The following BRD10 variants were observed in gnomAD, a reference collection of about 807,000 sequenced individuals.
BRD10 encodes the protein bromodomain containing 10.
At chr9:5,915,529 T>C in the BRD10 span, among the ~76,000 whole-genome samples, 1 of 152,194 alleles carries the variant, frequency 6.6e-6, no homozygotes, top group Non-Finnish European at 1.5e-5. Flanking sequence ...TTTATAATCA[T>C]TCCCTATGGG....
chr9:5,982,561 C>T, the BRD10 span, among the ~76,000 whole-genome samples: 1 of 152,210 alleles, frequency 6.6e-6, no homozygotes, highest in Non-Finnish European at 1.5e-5. Flanking sequence ...CTCAGCCCCT[C>T]ACCATGTGAT....
the BRD10 span, among the ~76,000 whole-genome samples, chr9:5,985,789 A>AT: frequency 1.5e-4 from 22 of 145,694 alleles, no homozygotes; most frequent in Middle Eastern, 0.011. Flanking sequence ...CCGTCTCAAA[A>AT]AAAATAAATA....
At chr9:5,915,141 A>G in the BRD10 span, among the ~76,000 whole-genome samples, 1 of 152,138 alleles carries the variant, frequency 6.6e-6, no homozygotes, top group East Asian at 1.9e-4. Flanking sequence ...GTCAAAAATA[A>G]AAGTTTTCCC....
chr9:5,968,476 A>G, the BRD10 span: 5 of 1,611,542 alleles, frequency 3.1e-6, no homozygotes, highest in Non-Finnish European at 3.4e-6. Context: ...AATTTTCTTT[A>G]CAACAATCAG....
the BRD10 span, among the ~76,000 whole-genome samples, chr9:5,938,322 G>C: frequency 6.6e-6 from 1 of 151,788 alleles, no homozygotes; most frequent in African/African-American, 2.4e-5. Context: ...TGAGCCTTTA[G>C]TCCCAGCTTC....
the BRD10 span, among the ~76,000 whole-genome samples, chr9:5,980,139 A>C: frequency 2.0e-5 from 3 of 152,324 alleles, no homozygotes; most frequent in Admixed American, 6.5e-5. Flanking sequence ...CATCATTATA[A>C]ACAGAATGTG....
chr9:5,941,217 C>A, the BRD10 span, among the ~76,000 whole-genome samples: 1 of 152,108 alleles, frequency 6.6e-6, no homozygotes, highest in Non-Finnish European at 1.5e-5. Context: ...ACAATAAGAT[C>A]AGGTAAAGTT....
the BRD10 span, among the ~76,000 whole-genome samples, chr9:5,967,576 C>A: frequency 4.7e-5 from 7 of 149,678 alleles, no homozygotes; most frequent in African/African-American, 1.7e-4. Flanking sequence ...AAAAACAGAC[C>A]CAGGAAGATA....
the BRD10 span, among the ~76,000 whole-genome samples, chr9:5,974,901 A>G: frequency 6.6e-6 from 1 of 152,228 alleles, no homozygotes; most frequent in East Asian, 1.9e-4. Context: ...ACTAGCGCTC[A>G]GGATCCAAGT....
chr9:5,987,289 C>A, the BRD10 span, among the ~76,000 whole-genome samples: 6 of 152,004 alleles, frequency 3.9e-5, no homozygotes, highest in African/African-American at 1.5e-4. Flanking sequence ...ATTAATTGTT[C>A]TCAGGACAAT....
At chr9:5,981,514 G>A in the BRD10 span, among the ~76,000 whole-genome samples, 2 of 152,118 alleles carry the variant, frequency 1.3e-5, no homozygotes, top group Admixed American at 1.3e-4. Flanking sequence ...CATTAAGCAG[G>A]CAATTAGGTC....
the BRD10 span, among the ~76,000 whole-genome samples, chr9:5,930,370 TA>T: frequency 5.1e-3 from 50 of 9,832 alleles, no homozygotes; most frequent in South Asian, 7.1e-3. Flanking sequence ...ATAAGGAGAT[TA>T]TATATATATA....
chr9:5,935,243 G>T, the BRD10 span, among the ~76,000 whole-genome samples: 1 of 152,120 alleles, frequency 6.6e-6, no homozygotes, highest in African/African-American at 2.4e-5. Context: ...GTACTTTAAA[G>T]GCATCCCACA....
At chr9:5,941,825 T>C in the BRD10 span, among the ~76,000 whole-genome samples, 9 of 152,108 alleles carry the variant, frequency 5.9e-5, no homozygotes, top group Middle Eastern at 3.4e-3. Context: ...TTTACCTGAG[T>C]GAAAAAATGG....
At chr9:5,963,881 T>C in the BRD10 span, among the ~76,000 whole-genome samples, 1 of 151,754 alleles carries the variant, frequency 6.6e-6, no homozygotes, top group Admixed American at 6.6e-5. Flanking sequence ...GATCCCTTCC[T>C]TACACCTTAT....
chr9:5,972,136 C>T, the BRD10 span, among the ~76,000 whole-genome samples: 4 of 152,024 alleles, frequency 2.6e-5, no homozygotes, highest in African/African-American at 9.7e-5. Flanking sequence ...CCTACTACTA[C>T]AGTGATAAGA....
At chr9:5,937,960 T>C in the BRD10 span, among the ~76,000 whole-genome samples, 11 of 152,322 alleles carry the variant, frequency 7.2e-5, no homozygotes, top group African/African-American at 2.6e-4. Context: ...CCCTTTTTCA[T>C]TATTATTCTG....
At chr9:5,932,946 G>C in the BRD10 span, among the ~76,000 whole-genome samples, 1 of 152,006 alleles carries the variant, frequency 6.6e-6, no homozygotes, top group Non-Finnish European at 1.5e-5. Flanking sequence ...ATGACCTAAA[G>C]TTAAGAGTGA....
chr9:5,967,764 A>G, the BRD10 span, among the ~76,000 whole-genome samples: 36 of 152,086 alleles, frequency 2.4e-4, no homozygotes, highest in African/African-American at 8.0e-4. Context: ...AGGTAAAAAC[A>G]TAATGTCCAA....
Sources: gnomAD v4.1 joint callset for allele counts (sites outside exome capture counted in the v4.1 genomes callset) on GRCh38, gnomAD v4.1.1 for gene constraint, MANE v1.5 for transcripts, NCBI Gene and HGNC (gene_info 2026-07-23, HGNC 2026-07-21) for gene names.